The following PTPRM variants were observed in gnomAD, a reference collection of about 807,000 sequenced individuals.
The protein encoded by PTPRM is protein tyrosine phosphatase receptor type M, also known as receptor-type tyrosine-protein phosphatase mu.
A neutral mutation model predicts 186.7 loss-of-function variants in PTPRM; 47 were observed. The ratio of observed to expected loss-of-function variants is 0.25; its 90% CI spans 0.20 to 0.32. The LOEUF is 0.32. PTPRM is among the 10% of genes least tolerant of loss of function. PTPRM has a pLI of 1.00. For missense variants in PTPRM, 1,494 were observed against 1,865.0 expected (o/e 0.80, Z 3.66); for synonymous variants, 668 against 674.9 (o/e 0.99, Z 0.16).
intron 1 of PTPRM, among the ~76,000 whole-genome samples, chr18:7,575,170 T>A (rs1287664372): frequency 6.6e-6 from 1 of 152,176 alleles, no homozygotes; most frequent in African/African-American, 2.4e-5. Context: ...ACACTCCAGG[T>A]AAATAAAAAT....
intron 20 of PTPRM, among the ~76,000 whole-genome samples, chr18:8,308,990 T>G (rs1183618723): frequency 6.6e-6 from 1 of 152,234 alleles, no homozygotes; most frequent in African/African-American, 2.4e-5. Flanking sequence ...TGTTCAACTA[T>G]GTTTGTATGA....
intron 14 of PTPRM, among the ~76,000 whole-genome samples, chr18:8,171,634 G>T (rs149570444): frequency 5.8e-4 from 89 of 152,276 alleles, no homozygotes; most frequent in African/African-American, 2.1e-3. Context: ...CTAGGACGGA[G>T]ATCCAGAAAA....
intron 19 of PTPRM, among the ~76,000 whole-genome samples, chr18:8,276,502 A>G (rs1030098325): frequency 2.6e-5 from 4 of 152,198 alleles, no homozygotes; most frequent in Non-Finnish European, 5.9e-5. Flanking sequence ...AGAGAAATCA[A>G]TATTTTTATC....
At chr18:7,788,669 T>C (rs1173141010) in intron 2 of PTPRM, among the ~76,000 whole-genome samples, 2 of 152,176 alleles carry the variant, frequency 1.3e-5, no homozygotes, top group Non-Finnish European at 1.5e-5. Flanking sequence ...TAATGGAAAT[T>C]TCATGTGCAT....
rs745713644 is a variant in PTPRM, at chr18:7,955,082, C to T, written c.839-39C>T. ...TGTTTAGCTCTTTTAAGACTGAAGA[C>T]AAAGCATCTGAAAGACAGCTTTCTG... On this transcript the variant is annotated intron_variant, in intron 6 of 32. Coordinates refer to ENST00000580170, the MANE Select transcript of PTPRM (RefSeq NM_001105244.2). 7 of 1,538,116 alleles carry T rather than the reference C, an allele frequency of 4.6e-6. No homozygotes were observed. The African/African-American group carries it at 8.2e-5, about 18-fold the overall frequency.
intron 1 of PTPRM, among the ~76,000 whole-genome samples, chr18:7,700,993 A>AAAAGAAAG (rs1555654263): frequency 6.5e-5 from 7 of 107,320 alleles, no homozygotes; most frequent in African/African-American, 1.9e-4. Flanking sequence ...AAAAAAAAAA[A>AAAAGAAAG]AAAGAAAGAA....
intron 5 of PTPRM, among the ~76,000 whole-genome samples, chr18:7,937,511 C>T (rs2051894092): frequency 6.6e-6 from 1 of 152,230 alleles, no homozygotes; most frequent in Admixed American, 6.5e-5. Flanking sequence ...TCGCCCTTGG[C>T]AGGCATGGAA....
intron 22 of PTPRM, among the ~76,000 whole-genome samples, chr18:8,332,390 C>T: frequency 6.6e-6 from 1 of 152,124 alleles, no homozygotes; most frequent in East Asian, 1.9e-4. Context: ...TTTGACATAA[C>T]CTTTTGGTGT....
In PTPRM at chr18:8,406,237, G is replaced by A. The variant is rs916693269; in HGVS notation, c.*75G>A. Reference sequence around the variant, plus strand: ...CGTTCCATGGTATTTGTGCAAAAGAGATGAAGACTTCTCAATATGCTTATT... The same window carrying A: ...CGTTCCATGGTATTTGTGCAAAAGAAATGAAGACTTCTCAATATGCTTATT... On this transcript the variant is annotated 3_prime_UTR_variant, in exon 33 of 33. Coordinates refer to ENST00000580170, the MANE Select transcript of PTPRM (RefSeq NM_001105244.2). 1 of 1,352,654 alleles carries A rather than the reference G, an allele frequency of 7.4e-7. No homozygotes were observed. The highest frequency in any genetic ancestry group is 1.0e-6 in the Non-Finnish European group (1 of 963,200). The allele number at this position is 1,352,654 out of a possible 1,614,324, so 83.8% of individuals were successfully genotyped here. A position where few individuals can be genotyped will look rare whatever the true frequency, so the allele number is the denominator to read the frequency against.
At chr18:7,860,470 G>T (rs1239233583) in intron 2 of PTPRM, among the ~76,000 whole-genome samples, 1 of 152,106 alleles carries the variant, frequency 6.6e-6, no homozygotes, top group African/African-American at 2.4e-5. Context: ...AGTGCAGGGG[G>T]CGGGGGTCTG....
At chr18:7,661,155 A>AT (rs1320588352) in intron 1 of PTPRM, among the ~76,000 whole-genome samples, 3 of 152,160 alleles carry the variant, frequency 2.0e-5, no homozygotes, top group Admixed American at 6.5e-5. Flanking sequence ...CAATTTACAG[A>AT]TTTTTTTAAA....
intron 23 of PTPRM, among the ~76,000 whole-genome samples, chr18:8,366,262 TC>T (rs1291126973): frequency 6.6e-6 from 1 of 152,182 alleles, no homozygotes; most frequent in Non-Finnish European, 1.5e-5. Flanking sequence ...GAGCCAGCAC[TC>T]CAGCCTGGCA....
chr18:8,202,435 C>A (rs1372212786), intron 14 of PTPRM, among the ~76,000 whole-genome samples: 2 of 152,170 alleles, frequency 1.3e-5, no homozygotes, highest in African/African-American at 4.8e-5. Flanking sequence ...GCCCAGAGGA[C>A]TGAAAAACAG....
At chr18:7,965,877 G>A (rs2054008491) in intron 7 of PTPRM, among the ~76,000 whole-genome samples, 1 of 152,098 alleles carries the variant, frequency 6.6e-6, no homozygotes. Context: ...GGGCTCACTG[G>A]GACATACTCA....
At chr18:7,855,204 G>T (rs1302298287) in intron 2 of PTPRM, among the ~76,000 whole-genome samples, 2 of 152,162 alleles carry the variant, frequency 1.3e-5, no homozygotes, top group Admixed American at 1.3e-4. Flanking sequence ...TTATTAGAAT[G>T]CTGTGCAGGG....
chr18:8,342,101 G>T (rs1177352784), intron 22 of PTPRM, among the ~76,000 whole-genome samples: 2 of 152,206 alleles, frequency 1.3e-5, no homozygotes, highest in African/African-American at 4.8e-5. Flanking sequence ...GAGAAAGGAA[G>T]GAGGCCTGGA....
intron 19 of PTPRM, among the ~76,000 whole-genome samples, chr18:8,258,591 C>G (rs1302702776): frequency 6.6e-6 from 1 of 151,814 alleles, no homozygotes; most frequent in Non-Finnish European, 1.5e-5. Flanking sequence ...AATTTTTGAA[C>G]TGATTCTAAG....
chr18:8,148,235 C>G (rs574154134), intron 14 of PTPRM, among the ~76,000 whole-genome samples: 3 of 152,210 alleles, frequency 2.0e-5, no homozygotes, highest in African/African-American at 7.2e-5. Flanking sequence ...ACCAGCTCCT[C>G]TTTGTACCTC....
At chr18:8,275,295 A>G (rs1267715882) in intron 19 of PTPRM, among the ~76,000 whole-genome samples, 2 of 152,176 alleles carry the variant, frequency 1.3e-5, no homozygotes, top group East Asian at 3.9e-4. Flanking sequence ...AAATTAAAAA[A>G]TTAGCTGGCC....
Sources: allele counts gnomAD v4.1 joint callset (sites outside exome capture counted in the v4.1 genomes callset), GRCh38; gene constraint gnomAD v4.1.1; transcripts MANE v1.5; gene names NCBI Gene and HGNC (gene_info 2026-07-23, HGNC 2026-07-21).